PEX13: variants seen among roughly 807,000 people sequenced by gnomAD.
PEX13 encodes peroxisomal biogenesis factor 13.
In PEX13, 28 loss-of-function variants were observed where a neutral mutation model predicts 34.5. That is an observed-to-expected ratio of 0.81 (90% CI 0.60 to 1.11). The LOEUF is 1.11. Among genes scored for constraint, PEX13 ranks in the 50% most tolerant of loss-of-function variants. The pLI is 0.00. For missense variants in PEX13, 550 were observed against 491.0 expected (o/e 1.12, Z -1.13); for synonymous variants, 177 against 175.1 (o/e 1.01, Z -0.09).
chr2:61,024,488 T>C (rs1680316542), intron 1 of PEX13, among the ~76,000 whole-genome samples: 1 of 152,190 alleles, frequency 6.6e-6, no homozygotes, highest in African/African-American at 2.4e-5. Flanking sequence ...CTGATATTTT[T>C]CTTTCACTGT....
At chr2:61,028,861 A>C (rs1680403166) in intron 1 of PEX13, among the ~76,000 whole-genome samples, 1 of 152,192 alleles carries the variant, frequency 6.6e-6, no homozygotes, top group Non-Finnish European at 1.5e-5. Flanking sequence ...TTTTTGACTC[A>C]TGTAGCACAA....
In PEX13 at chr2:61,017,922, C is replaced by G; in HGVS notation, c.92+71C>G. The G allele has an allele frequency of 2.0e-6, 3 of 1,465,032 alleles. No individual in the cohort carries two copies. The Admixed American group carries it at 5.9e-5, about 29-fold the overall frequency. 90.8% of individuals were successfully genotyped at this position (1,465,032 alleles called of 1,614,324 possible). A position where few individuals can be genotyped will look rare whatever the true frequency, so the allele number is the denominator to read the frequency against. On this transcript the variant is annotated intron_variant, in intron 1 of 3. Coordinates refer to ENST00000295030, the MANE Select transcript of PEX13 (RefSeq NM_002618.4). ...GGGACTTGGCAGGAGGCGGTTGTAG[C>G]GGTTGTTAGTGGAGGTATTCCCTTC...
chr2:61,030,576 G>C (rs542115821), intron 1 of PEX13, among the ~76,000 whole-genome samples: 57 of 152,306 alleles, frequency 3.7e-4, no homozygotes, highest in African/African-American at 1.3e-3. Flanking sequence ...ACAGGTGTTA[G>C]ATAAGCTTCA....
intron 2 of PEX13, among the ~76,000 whole-genome samples, chr2:61,033,517 A>C (rs146245597): frequency 1.2e-3 from 190 of 152,370 alleles, no homozygotes; most frequent in African/African-American, 4.5e-3. Context: ...TGAATAAAAT[A>C]TATTCTAAAA....
intron 1 of PEX13, among the ~76,000 whole-genome samples, chr2:61,024,282 T>A (rs899925382): frequency 1.3e-5 from 2 of 152,362 alleles, no homozygotes; most frequent in African/African-American, 4.8e-5. Flanking sequence ...ATGCCTCTTA[T>A]TAATTCCAGA....
At chr2:61,036,560 C>T (rs752029957) in intron 2 of PEX13, among the ~76,000 whole-genome samples, 1 of 152,298 alleles carries the variant, frequency 6.6e-6, no homozygotes, top group South Asian at 2.1e-4. Flanking sequence ...AATTCCTTTA[C>T]AGACAAGCAA....
chr2:61,018,122 G>A, intron 1 of PEX13: 9 of 1,547,732 alleles, frequency 5.8e-6, no homozygotes, highest in Non-Finnish European at 7.9e-6. Flanking sequence ...AAGAAAGGGG[G>A]GCGGCTTCCT....
chr2:61,029,970 A>C (rs990952785), intron 1 of PEX13, among the ~76,000 whole-genome samples: 1 of 152,204 alleles, frequency 6.6e-6, no homozygotes, highest in African/African-American at 2.4e-5. Flanking sequence ...TTAAGTATAC[A>C]GGAGGATGTG....
chr2:61,047,030 A>T (rs998010409), intron 3 of PEX13, among the ~76,000 whole-genome samples: 9 of 152,096 alleles, frequency 5.9e-5, no homozygotes, highest in Admixed American at 1.3e-4. Flanking sequence ...TTGAGGCTGT[A>T]GTACATTGTA....
In PEX13 at chr2:61,031,509, G is replaced by T; in HGVS notation, c.183G>T (p.Gln61His). Residue 61 changes from glutamine (Q) to histidine (H), a missense_variant, in exon 2 of 4, where the codon CAG (glutamine) becomes CAT (histidine). Coordinates refer to ENST00000295030, the MANE Select transcript of PEX13 (RefSeq NM_002618.4). ...VPPPILPRPS[Q>H]QTGSSSVNTF... ...CACCTATTCTTCCAAGGCCATCACA[G>T]CAGACAGGAAGTAGCAGTGTGAACA... The T allele has an allele frequency of 6.2e-7, 1 of 1,614,112 alleles. No individual in the cohort carries two copies. Among genetic ancestry groups the T allele is most frequent in the Middle Eastern group, 1.6e-4 (1 of 6,062 alleles).
intron 1 of PEX13, chr2:61,018,263 G>A (rs1365182828): frequency 5.2e-6 from 8 of 1,550,862 alleles, no homozygotes; most frequent in Middle Eastern, 1.7e-4. Context: ...TCTCCTTAAA[G>A]GTGTTAACCT....
chr2:61,024,035 G>A (rs1680310970), intron 1 of PEX13, among the ~76,000 whole-genome samples: 1 of 152,022 alleles, frequency 6.6e-6, no homozygotes. Context: ...GGGCTCAAGT[G>A]ATCTTCCCAC....
chr2:61,050,812 G>T lies in PEX13; in HGVS notation c.*2042G>T, dbSNP rs1379469667. 1 of 152,234 alleles carries T rather than the reference G, an allele frequency of 6.6e-6. No homozygotes were observed. The highest frequency in any genetic ancestry group is 2.4e-5 in the African/African-American group (1 of 41,406). 9.4% of individuals were successfully genotyped at this position (152,234 alleles called of 1,614,324 possible). ...TTTTTTTTGTATTTTTAGTAGAGAC[G>T]GGGTTTCACCGTGTTACCCAGGATG... On this transcript the variant is annotated 3_prime_UTR_variant, in exon 4 of 4. Coordinates refer to ENST00000295030, the MANE Select transcript of PEX13 (RefSeq NM_002618.4).
At chr2:61,046,525 CAAT>C (rs1389481111) in intron 3 of PEX13, among the ~76,000 whole-genome samples, 1 of 152,092 alleles carries the variant, frequency 6.6e-6, no homozygotes, top group African/African-American at 2.4e-5. Flanking sequence ...GTACTAATAA[CAAT>C]AACATGTTAT....
Position 61,031,817 on chromosome 2 carries a change from T to C in PEX13, c.491T>C (p.Val164Ala). The C allele has an allele frequency of 6.2e-7, 1 of 1,613,680 alleles. No individual in the cohort carries two copies. The highest frequency in any genetic ancestry group is 1.1e-5 in the South Asian group (1 of 91,080). The change falls in exon 2 of 4, where the codon GTA becomes GCA. Residue 164 changes from valine (V) to alanine (A), a missense_variant. Transcript: ENST00000295030. ...AACAGTTTCAGGGCTGTATTGGATG[T>C]AGCAAATCACTTTTCCCGATTGAAA... ...VYNSFRAVLD[V>A]ANHFSRLKIH...
rs1313224138 is a variant in PEX13, at chr2:61,017,743, G to A, written c.-17G>A. On this transcript the variant is annotated 5_prime_UTR_variant, in exon 1 of 4. Coordinates refer to ENST00000295030, the MANE Select transcript of PEX13 (RefSeq NM_002618.4). ...ACAGTCAGGGGTAGGAGCGGGAGCC[G>A]AGAGGAGGCGGAGGAGATGGCGTCC... is the stretch of plus-strand genomic sequence containing the variant. 5.8e-6 allele frequency: 9 copies of A among 1,547,102 alleles called. No homozygotes were observed. The East Asian group carries it at 2.0e-4, about 34-fold the overall frequency.
intron 3 of PEX13, among the ~76,000 whole-genome samples, chr2:61,047,416 G>A (rs1197885962): frequency 1.3e-5 from 2 of 152,056 alleles, no homozygotes; most frequent in Non-Finnish European, 1.5e-5. Flanking sequence ...GGCCTCCCAA[G>A]GTGCTGGAAT....
intron 3 of PEX13, among the ~76,000 whole-genome samples, chr2:61,046,767 C>A (rs1680709480): frequency 6.6e-6 from 1 of 152,108 alleles, no homozygotes; most frequent in Non-Finnish European, 1.5e-5. Flanking sequence ...ACAACTCTGG[C>A]TGTTTTTTCA....
chr2:61,030,072 C>G (rs1217892760), intron 1 of PEX13, among the ~76,000 whole-genome samples: 2 of 152,066 alleles, frequency 1.3e-5, no homozygotes, highest in Non-Finnish European at 2.9e-5. Flanking sequence ...AAACCACTCC[C>G]CCACAGATAC....
Sources: gnomAD v4.1 joint callset for allele counts (sites outside exome capture counted in the v4.1 genomes callset) on GRCh38, gnomAD v4.1.1 for gene constraint, MANE v1.5 for transcripts, NCBI Gene and HGNC (gene_info 2026-07-23, HGNC 2026-07-21) for gene names.